CTNNA3: variants seen among roughly 807,000 people sequenced by gnomAD.
The protein encoded by CTNNA3 is catenin alpha 3, also known as catenin alpha-3.
CTNNA3 carries 76 observed loss-of-function variants against 95.7 expected under a neutral mutation model. That is an observed-to-expected ratio of 0.79 (90% CI 0.66 to 0.96). CTNNA3 has a LOEUF of 0.96. CTNNA3 is among the 40% of genes least tolerant of loss of function. The pLI is 0.00. For missense variants in CTNNA3, 1,191 were observed against 1,089.8 expected (o/e 1.09, Z -1.31); for synonymous variants, 431 against 374.4 (o/e 1.15, Z -1.74).
At chr10:66,380,617 CTATCTATCTATA>C (rs1399234167) in intron 11 of CTNNA3, among the ~76,000 whole-genome samples, 1 of 114,840 alleles carries the variant, frequency 8.7e-6, no homozygotes, top group Non-Finnish European at 1.6e-5. Context: ...ATCTATCTAT[CTATCTATCTATA>C]TATATATATA....
At chr10:66,009,743 T>C (rs960155935) in intron 15 of CTNNA3, among the ~76,000 whole-genome samples, 1 of 152,198 alleles carries the variant, frequency 6.6e-6, no homozygotes, top group Non-Finnish European at 1.5e-5. Flanking sequence ...CTCATGGTTA[T>C]GTATATAGAT....
intron 15 of CTNNA3, among the ~76,000 whole-genome samples, chr10:66,002,861 C>T (rs1024313464): frequency 2.0e-5 from 3 of 152,182 alleles, no homozygotes; most frequent in East Asian, 3.8e-4. Context: ...TATTCTATTC[C>T]GTTCGGGAAA....
At chr10:66,013,416 G>A (rs913635720) in intron 15 of CTNNA3, among the ~76,000 whole-genome samples, 5 of 152,108 alleles carry the variant, frequency 3.3e-5, no homozygotes, top group Non-Finnish European at 5.9e-5. Flanking sequence ...CCTGAACTAT[G>A]GCAAATTTTT....
At chr10:66,955,906 C>T (rs1848765956) in intron 7 of CTNNA3, among the ~76,000 whole-genome samples, 1 of 152,072 alleles carries the variant, frequency 6.6e-6, no homozygotes. Context: ...TCTAGTGACG[C>T]TACAACATGG....
intron 2 of CTNNA3, among the ~76,000 whole-genome samples, chr10:67,640,204 C>T (rs1033384259): frequency 6.6e-6 from 1 of 152,130 alleles, no homozygotes; most frequent in African/African-American, 2.4e-5. Context: ...TTCTTATACA[C>T]CAATAACAAA....
intron 5 of CTNNA3, among the ~76,000 whole-genome samples, chr10:67,388,875 C>T (rs1035831060): frequency 1.3e-5 from 2 of 152,100 alleles, no homozygotes; most frequent in Admixed American, 6.5e-5. Flanking sequence ...GATTTTGTCA[C>T]CACCAGGCCG....
intron 7 of CTNNA3, among the ~76,000 whole-genome samples, chr10:67,179,117 A>G (rs1009754435): frequency 6.6e-6 from 1 of 152,070 alleles, no homozygotes; most frequent in Non-Finnish European, 1.5e-5. Context: ...ACAATCTCAA[A>G]TATCTTAAAT....
chr10:66,178,082 T>C (rs1351935973), intron 13 of CTNNA3, among the ~76,000 whole-genome samples: 1 of 151,744 alleles, frequency 6.6e-6, no homozygotes, highest in Non-Finnish European at 1.5e-5. Context: ...TCCTACAATT[T>C]TATTTTATAA....
At chr10:67,529,385 C>A (rs1276008783) in intron 4 of CTNNA3, among the ~76,000 whole-genome samples, 1 of 149,928 alleles carries the variant, frequency 6.7e-6, no homozygotes, top group African/African-American at 2.5e-5. Context: ...ACATTATATG[C>A]TTTTATCAAA....
At chr10:66,055,396 C>A (rs58913875) in intron 15 of CTNNA3, among the ~76,000 whole-genome samples, 3,460 of 152,186 alleles carry the variant, frequency 0.023, 134 homozygotes, top group African/African-American at 0.08. Flanking sequence ...CAATTTCTTT[C>A]ATCAATGTTT....
chr10:67,005,581 T>C (rs1244329206), intron 7 of CTNNA3, among the ~76,000 whole-genome samples: 1 of 150,982 alleles, frequency 6.6e-6, no homozygotes, highest in Admixed American at 6.6e-5. Context: ...GGTGAATATA[T>C]CTGATGAATC....
chr10:66,707,427 G>A (rs9633544), intron 9 of CTNNA3, among the ~76,000 whole-genome samples: 4,927 of 151,732 alleles, frequency 0.032, 212 homozygotes, highest in East Asian at 0.22. Flanking sequence ...CAACTGGATC[G>A]TAAAATCTTT....
At chr10:66,707,296 T>C (rs1404946321) in intron 9 of CTNNA3, among the ~76,000 whole-genome samples, 1 of 152,066 alleles carries the variant, frequency 6.6e-6, no homozygotes, top group Non-Finnish European at 1.5e-5. Context: ...GTGCACAATG[T>C]ATAGAGAAAG....
chr10:66,252,990 A>G (rs529559161), intron 13 of CTNNA3, among the ~76,000 whole-genome samples: 4 of 152,318 alleles, frequency 2.6e-5, no homozygotes, highest in African/African-American at 9.6e-5. Flanking sequence ...TGAAGAGGGT[A>G]AGGGAGGGTA....
intron 5 of CTNNA3, among the ~76,000 whole-genome samples, chr10:67,445,832 T>C (rs1846723928): frequency 6.6e-6 from 1 of 152,186 alleles, no homozygotes; most frequent in Admixed American, 6.5e-5. Flanking sequence ...CATACAGCCA[T>C]CATAGAATTT....
chr10:67,033,807 G>A (rs1853876800), intron 7 of CTNNA3, among the ~76,000 whole-genome samples: 1 of 152,038 alleles, frequency 6.6e-6, no homozygotes, highest in Non-Finnish European at 1.5e-5. Flanking sequence ...GTCTCACTCT[G>A]TCGCCCAGGC....
At position 66,052,832 on chromosome 10, in the gene CTNNA3, T is replaced by C. The variant is rs189734835; in HGVS notation, c.2159+16476A>G. On this transcript the variant is annotated intron_variant, in intron 15 of 17. Transcript: ENST00000433211. ...TCTGAATAAGAAAATAAATAAAGAATTAAGTATCTAAATAAGTTTGGAGAG... is the reference window on the plus strand; with the variant it reads ...TCTGAATAAGAAAATAAATAAAGAACTAAGTATCTAAATAAGTTTGGAGAG... Among the ~76,000 whole-genome samples, 3 of 152,178 alleles carry C rather than the reference T, an allele frequency of 2.0e-5. No individual in the cohort carries two copies. In the East Asian group the frequency reaches 5.8e-4, roughly 29 times the overall value.
chr10:67,457,386 C>CTAA (rs1282412425), intron 5 of CTNNA3, among the ~76,000 whole-genome samples: 1 of 152,180 alleles, frequency 6.6e-6, no homozygotes, highest in Non-Finnish European at 1.5e-5. Context: ...AGGCCACACA[C>CTAA]TAAATAGAGT....
At chr10:67,397,126 G>T (rs181888274) in intron 5 of CTNNA3, among the ~76,000 whole-genome samples, 1 of 152,110 alleles carries the variant, frequency 6.6e-6, no homozygotes, top group African/African-American at 2.4e-5. Flanking sequence ...CTTTGGAACT[G>T]GGTCACAAGC....
Sources: allele counts gnomAD v4.1 joint callset (sites outside exome capture counted in the v4.1 genomes callset), GRCh38; gene constraint gnomAD v4.1.1; transcripts MANE v1.5; gene names NCBI Gene and HGNC (gene_info 2026-07-23, HGNC 2026-07-21).